The following PTPRT variants were observed in gnomAD, a reference collection of about 807,000 sequenced individuals.
PTPRT encodes the protein receptor-type tyrosine-protein phosphatase T.
Under a neutral mutation model 176.8 loss-of-function variants are expected in PTPRT, and 56 were observed. The observed-to-expected ratio is 0.32, with a 90% CI of 0.26 to 0.40. PTPRT has a LOEUF of 0.40. Among genes scored for constraint, PTPRT ranks in the 10% least tolerant of loss-of-function variants. PTPRT has a pLI of 1.00. For missense variants in PTPRT, 1,540 were observed against 1,908.2 expected, an observed-to-expected ratio of 0.81 and a Z score of 3.60; for synonymous variants, 783 against 739.0, an observed-to-expected ratio of 1.06 and a Z score of -0.96.
chr20:43,004,609 A>G (rs1419183972), intron 1 of PTPRT, among the ~76,000 whole-genome samples: 1 of 152,220 alleles, frequency 6.6e-6, no homozygotes, highest in Non-Finnish European at 1.5e-5. Flanking sequence ...AATAAGGCAT[A>G]GCTTCTAACA....
chr20:42,340,235 G>A (rs1407188051), intron 11 of PTPRT, among the ~76,000 whole-genome samples: 3 of 152,156 alleles, frequency 2.0e-5, no homozygotes, highest in African/African-American at 7.2e-5. Context: ...GATAGTTACT[G>A]TATTGGACAG....
At chr20:42,503,931 G>A (rs1039429935) in intron 7 of PTPRT, among the ~76,000 whole-genome samples, 3 of 151,934 alleles carry the variant, frequency 2.0e-5, no homozygotes, top group Non-Finnish European at 4.4e-5. Flanking sequence ...ACTTCATTCA[G>A]GTCACCTTAT....
chr20:42,332,328 G>T (rs1600846936), intron 11 of PTPRT, among the ~76,000 whole-genome samples: 1 of 152,172 alleles, frequency 6.6e-6, no homozygotes. Flanking sequence ...TCCTGCCTCA[G>T]CCTCCCGAGT....
At chr20:42,109,326 G>A (rs1986810554) in intron 23 of PTPRT, among the ~76,000 whole-genome samples, 1 of 152,106 alleles carries the variant, frequency 6.6e-6, no homozygotes, top group Non-Finnish European at 1.5e-5. Context: ...GAGAGGCGTT[G>A]GGAAGGAGGG....
At position 42,245,057 on chromosome 20, in the gene PTPRT, T is replaced by C. The variant is rs962313950; in HGVS notation, c.2312+3630A>G. Among the ~76,000 whole-genome samples the C allele has an allele frequency of 2.6e-5, 4 of 152,166 alleles. No individual in the cohort carries two copies. In the South Asian group the frequency reaches 8.3e-4, roughly 31 times the overall value. ...CTTTCTCTTATGTCAGGACTTAACA[T>C]GGTACTCATGAAAAGGAGGTACATT... is the stretch of plus-strand genomic sequence containing the variant. On this transcript the variant is annotated intron_variant, in intron 14 of 30. Coordinates refer to ENST00000373187, the MANE Select transcript of PTPRT (RefSeq NM_007050.6).
chr20:43,056,759 T>C (rs982599890), intron 1 of PTPRT, among the ~76,000 whole-genome samples: 2 of 152,082 alleles, frequency 1.3e-5, no homozygotes, highest in African/African-American at 4.8e-5. Flanking sequence ...CATTAACAAA[T>C]CAAATAATAA....
At chr20:42,812,166 T>C (rs1314149504) in intron 2 of PTPRT, among the ~76,000 whole-genome samples, 1 of 152,138 alleles carries the variant, frequency 6.6e-6, no homozygotes, top group African/African-American at 2.4e-5. Context: ...AGGGTATGTC[T>C]TGGTATCTAG....
intron 1 of PTPRT, among the ~76,000 whole-genome samples, chr20:43,087,695 C>A (rs1322276093): frequency 6.6e-6 from 1 of 152,072 alleles, no homozygotes; most frequent in East Asian, 1.9e-4. Context: ...CTCTGAGCCA[C>A]TCAATACCTT....
intron 7 of PTPRT, among the ~76,000 whole-genome samples, chr20:42,612,655 G>T (rs1241351894): frequency 6.6e-6 from 1 of 152,036 alleles, no homozygotes; most frequent in African/African-American, 2.4e-5. Flanking sequence ...CTCCACAGAT[G>T]CCAGCCAGCT....
intron 1 of PTPRT, among the ~76,000 whole-genome samples, chr20:43,124,282 G>A (rs978978332): frequency 5.3e-5 from 8 of 152,132 alleles, no homozygotes; most frequent in South Asian, 4.1e-4. Context: ...AGAGTAATTC[G>A]ATAATTGTAA....
In PTPRT at chr20:42,472,469, C is replaced by T. The variant is rs1243176969; in HGVS notation, c.1247G>A (p.Arg416His). ...CACGGTGAGGTTGTAGCTATGGCAG[C>T]GGGTCACCGCGTAGCCGAAGGGCTC... ...QWEPFGYAVT[R>H]CHSYNLTVQY... The change falls in exon 8 of 31, where the codon CGC becomes CAC. Residue 416 changes from arginine to histidine, a missense_variant. Around this residue, in one of 11 missense-constraint regions of PTPRT, gnomAD observed 79 missense variants for 80.0 expected, o/e 0.99. Transcript: ENST00000373187. 5.0e-6 allele frequency: 8 copies of T among 1,614,200 alleles called. No individual in the cohort carries two copies. The highest frequency in any genetic ancestry group is 1.1e-5 in the South Asian group (1 of 91,084).
intron 7 of PTPRT, among the ~76,000 whole-genome samples, chr20:42,473,716 C>A (rs1333100069): frequency 2.0e-5 from 3 of 152,178 alleles, no homozygotes; most frequent in African/African-American, 4.8e-5. Flanking sequence ...CTCAAGTGAT[C>A]CTCCTGCCTT....
intron 27 of PTPRT, among the ~76,000 whole-genome samples, chr20:42,088,362 C>T (rs1984240448): frequency 6.6e-6 from 1 of 152,194 alleles, no homozygotes; most frequent in East Asian, 1.9e-4. Flanking sequence ...GCAGGGTTTT[C>T]ATCGAAGGGG....
chr20:42,599,118 C>T (rs967649462), intron 7 of PTPRT, among the ~76,000 whole-genome samples: 7 of 151,976 alleles, frequency 4.6e-5, no homozygotes, highest in Non-Finnish European at 5.9e-5. Flanking sequence ...GCAGATGCAC[C>T]GGAAGTGGAA....
rs922136126 is a variant in PTPRT at position 42,078,870 on chromosome 20, C to G, written c.*2009G>C. The G allele has an allele frequency of 1.1e-5, 2 of 174,808 alleles. No homozygotes were observed. Among genetic ancestry groups the G allele is most frequent in the Middle Eastern group, 4.5e-3 (2 of 442 alleles). 10.8% of individuals were successfully genotyped at this position (174,808 alleles called of 1,614,324 possible). ...TCCCCTTCTCCAGGAAGCCCGAGGC[C>G]GAAGAGACTTTCTTGCTCCTAGGCT... is the stretch of plus-strand genomic sequence containing the variant. On this transcript the variant is annotated 3_prime_UTR_variant, in exon 31 of 31. Coordinates refer to ENST00000373187, the MANE Select transcript of PTPRT (RefSeq NM_007050.6).
chr20:42,768,130 A>G (rs2077011440), intron 5 of PTPRT, among the ~76,000 whole-genome samples: 1 of 152,056 alleles, frequency 6.6e-6, no homozygotes, highest in Non-Finnish European at 1.5e-5. Flanking sequence ...ATGGCACGAT[A>G]TAAACTGTGT....
At chr20:43,046,090 AT>A (rs1986826317) in intron 1 of PTPRT, among the ~76,000 whole-genome samples, 1 of 152,120 alleles carries the variant, frequency 6.6e-6, no homozygotes, top group Admixed American at 6.5e-5. Flanking sequence ...CCACACTAAG[AT>A]TTTATTGCAA....
intron 2 of PTPRT, among the ~76,000 whole-genome samples, chr20:42,804,444 C>T (rs2077575805): frequency 6.6e-6 from 1 of 152,220 alleles, no homozygotes; most frequent in Admixed American, 6.5e-5. Flanking sequence ...GATACTGTCT[C>T]TGTCAGTTCC....
intron 1 of PTPRT, among the ~76,000 whole-genome samples, chr20:43,081,751 A>T (rs927740978): frequency 1.3e-5 from 2 of 152,210 alleles, no homozygotes; most frequent in Non-Finnish European, 2.9e-5. Context: ...GCCCCAAAAT[A>T]ACATGCATTT....
Sources: gnomAD v4.1 joint callset for allele counts (sites outside exome capture counted in the v4.1 genomes callset) on GRCh38, gnomAD v4.1.1 for gene constraint, gnomAD v4.1.1 regional missense constraint, MANE v1.5 for transcripts, NCBI Gene and HGNC (gene_info 2026-07-23, HGNC 2026-07-21) for gene names.